PRPH2: variants seen among roughly 807,000 people sequenced by gnomAD.
The protein encoded by PRPH2 is peripherin-2.
PRPH2 carries 17 observed loss-of-function variants against 31.3 expected under a neutral mutation model. That is an observed-to-expected ratio of 0.54 (90% CI 0.37 to 0.81). PRPH2 has a LOEUF of 0.81. Among genes scored for constraint, PRPH2 ranks in the 40% least tolerant of loss-of-function variants. The pLI is 0.00. For synonymous variants in PRPH2, 165 were observed against 184.4 expected (o/e 0.89, Z 0.85); for missense variants, 430 against 439.7 (o/e 0.98, Z 0.20).
chr6:42,706,297 C>T (rs150362315), intron 1 of PRPH2, among the ~76,000 whole-genome samples: 2,028 of 151,766 alleles, frequency 0.013, 50 homozygotes, highest in African/African-American at 0.047. Flanking sequence ...CCCAGATACT[C>T]GGGAGGCTGA....
chr6:42,719,832 G>T (rs997133164), intron 1 of PRPH2, among the ~76,000 whole-genome samples: 1 of 152,070 alleles, frequency 6.6e-6, no homozygotes, highest in Non-Finnish European at 1.5e-5. Context: ...GCCTCCCAAA[G>T]TGCTGGGATT....
intron 1 of PRPH2, among the ~76,000 whole-genome samples, chr6:42,711,415 C>T (rs1252253787): frequency 6.6e-6 from 1 of 152,234 alleles, no homozygotes; most frequent in African/African-American, 2.4e-5. Context: ...GGAGGAGACA[C>T]AGCCCCGTCC....
At chr6:42,714,590 C>T (rs1228478856) in intron 1 of PRPH2, among the ~76,000 whole-genome samples, 5 of 152,284 alleles carry the variant, frequency 3.3e-5, no homozygotes, top group African/African-American at 4.8e-5. Flanking sequence ...AATCTCAGCT[C>T]ACTGCTGCCT....
intron 2 of PRPH2, among the ~76,000 whole-genome samples, chr6:42,703,851 C>T (rs1339361133): frequency 6.6e-6 from 1 of 152,014 alleles, no homozygotes. Context: ...ACCTGTAAAC[C>T]CAGACTTCGG....
At chr6:42,708,352 C>T (rs997856417) in intron 1 of PRPH2, among the ~76,000 whole-genome samples, 14 of 152,212 alleles carry the variant, frequency 9.2e-5, no homozygotes, top group African/African-American at 2.4e-4. Flanking sequence ...CAGCCATGTG[C>T]GTGGGGAAGG....
At chr6:42,719,121 A>T (rs1049583417) in intron 1 of PRPH2, among the ~76,000 whole-genome samples, 1 of 152,148 alleles carries the variant, frequency 6.6e-6, no homozygotes, top group Non-Finnish European at 1.5e-5. Context: ...AGGTAAATAA[A>T]AATCTGAATG....
At chr6:42,704,321 G>T in intron 2 of PRPH2, 44 bp downstream of exon 2, 1 of 1,590,364 alleles carries the variant, frequency 6.3e-7, no homozygotes, top group South Asian at 1.1e-5. Flanking sequence ...AAATGGGACC[G>T]GAGGCTCTCC....
At chr6:42,718,157 G>A (rs1287682042) in intron 1 of PRPH2, among the ~76,000 whole-genome samples, 1 of 151,924 alleles carries the variant, frequency 6.6e-6, no homozygotes, top group Non-Finnish European at 1.5e-5. Flanking sequence ...CAAAAATACA[G>A]AAAATTAGCC....
chr6:42,714,887 T>TG (rs1031153630), intron 1 of PRPH2, among the ~76,000 whole-genome samples: 3 of 152,124 alleles, frequency 2.0e-5, no homozygotes, highest in African/African-American at 7.2e-5. Context: ...CTTAACCTCT[T>TG]GGGCCTCAGA....
chr6:42,715,212 AAAAC>A (rs1030647015), intron 1 of PRPH2, among the ~76,000 whole-genome samples: 43 of 152,088 alleles, frequency 2.8e-4, no homozygotes, highest in African/African-American at 9.4e-4. Flanking sequence ...CTGTCTCAAA[AAAAC>A]AAACAAACAA....
chr6:42,719,199 C>T (rs1212191562), intron 1 of PRPH2, among the ~76,000 whole-genome samples: 1 of 150,492 alleles, frequency 6.6e-6, no homozygotes, highest in Admixed American at 6.6e-5. Context: ...GATCGAGTCT[C>T]ACACTGTCTC....
At chr6:42,703,438 C>T (rs1018981751) in intron 2 of PRPH2, among the ~76,000 whole-genome samples, 1 of 152,138 alleles carries the variant, frequency 6.6e-6, no homozygotes, top group Non-Finnish European at 1.5e-5. Flanking sequence ...AACACCTGCA[C>T]ATGCTGTTCA....
At position 42,722,587 on chromosome 6, in the gene PRPH2, C is replaced by T. The variant is rs1761927837; in HGVS notation, c.-253G>A. On this transcript the variant is annotated 5_prime_UTR_variant, in exon 1 of 3. Coordinates refer to ENST00000230381, the MANE Select transcript of PRPH2 (RefSeq NM_000322.5). The surrounding 1 kb of genome is among the most constrained non-coding windows in gnomAD (Gnocchi z 4.4). ...GTCCTGGGCGTTGTTTCTTCAGCGC[C>T]CTTCCCAGCCAAGAAGGGGCAGCCT... 1.4e-6 allele frequency: 2 copies of T among 1,383,656 alleles called. No individual in the cohort carries two copies. The highest frequency in any genetic ancestry group is 1.5e-5 in the African/African-American group (1 of 68,654). The allele number at this position is 1,383,656 out of a possible 1,614,324, so 85.7% of individuals were successfully genotyped here.
intron 2 of PRPH2, among the ~76,000 whole-genome samples, chr6:42,703,044 C>T (rs747674353): frequency 8.6e-5 from 13 of 151,754 alleles, no homozygotes; most frequent in Non-Finnish European, 1.6e-4. Context: ...ACTCAGGGCA[C>T]CTGTTTTCAG....
At position 42,704,506 on chromosome 6, in the gene PRPH2, G is replaced by C. The variant is rs755984632; in HGVS notation, c.687C>G (p.Asn229Lys). Residue 229 changes from asparagine (N) to lysine (K), a missense_variant, in exon 2 of 3, where the codon AAC (asparagine) becomes AAG (lysine). Asn to Lys is a moderately conservative substitution (Grantham distance 94). Coordinates refer to ENST00000230381, the MANE Select transcript of PRPH2 (RefSeq NM_000322.5). ...GGTCGTAACTGTAGTGTGCTGAGTT[G>C]TTGGTGATCTGATACTGGATGCAGG... Reference protein sequence around the residue: ...PRPCIQYQITNNSAHYSYDHQ... With the variant: ...PRPCIQYQITKNSAHYSYDHQ... 2 of 1,614,224 alleles carry C rather than the reference G, an allele frequency of 1.2e-6. No individual in the cohort carries two copies. Among genetic ancestry groups the C allele is most frequent in the African/African-American group, 2.7e-5 (2 of 75,062 alleles).
intron 1 of PRPH2, among the ~76,000 whole-genome samples, chr6:42,714,085 C>T (rs1761728402): frequency 6.6e-6 from 1 of 151,990 alleles, no homozygotes; most frequent in Admixed American, 6.6e-5. Context: ...ACTTTAACAT[C>T]GCTGGGAAAC....
In PRPH2 at chr6:42,722,155, C is replaced by T; in HGVS notation, c.180G>A (p.Val60=). 6.2e-7 allele frequency: 1 copy of T among 1,614,158 alleles called. No individual in the cohort carries two copies. The highest frequency in any genetic ancestry group is 8.5e-7 in the Non-Finnish European group (1 of 1,180,026). ...CCCCCATCCCTATCAATGAGTTGGGCACAAAATGGCTCTCAGAATTATTCA... is the reference window on the plus strand; with the variant it reads ...CCCCCATCCCTATCAATGAGTTGGGTACAAAATGGCTCTCAGAATTATTCA... ...DVMNNSESHF[V]PNSLIGMGVL... Residue 60 remains valine, a synonymous_variant, in exon 1 of 3, where the codon GTG becomes GTA. Transcript: ENST00000230381. The surrounding 1 kb of genome is among the most constrained non-coding windows in gnomAD (Gnocchi z 4.4).
chr6:42,719,567 C>CT (rs35810763), intron 1 of PRPH2, among the ~76,000 whole-genome samples: 32,950 of 111,016 alleles, frequency 0.3, 5,725 homozygotes, highest in East Asian at 0.48. Flanking sequence ...ACTAAATTGT[C>CT]TTTTTTTTTT....
At chr6:42,712,411 AAAAGGGCAAAAAACAAC>A (rs2152007624) in intron 1 of PRPH2, among the ~76,000 whole-genome samples, 1 of 152,374 alleles carries the variant, frequency 6.6e-6, no homozygotes, top group Admixed American at 6.5e-5. Context: ...CAGCAGAAAC[AAAAGGGCAAAAAACAAC>A]TAAAGCCTCT....
Sources: gnomAD v4.1 joint callset for allele counts (sites outside exome capture counted in the v4.1 genomes callset) on GRCh38, gnomAD v4.1.1 for gene constraint, Gnocchi (gnomAD v3.1) non-coding constraint, MANE v1.5 for transcripts, NCBI Gene and HGNC (gene_info 2026-07-23, HGNC 2026-07-21) for gene names.